Variants in AFF3 observed in about 807,000 individuals in gnomAD.
AFF3 encodes the protein AF4/FMR2 family member 3.
A neutral mutation model predicts 129.7 loss-of-function variants in AFF3; 32 were observed. That is an observed-to-expected ratio of 0.25 (90% CI 0.19 to 0.33). AFF3 has a LOEUF of 0.33. AFF3 is among the 10% of genes least tolerant of loss of function. The pLI is 1.00. For missense variants in AFF3, 1,373 were observed against 1,592.0 expected (o/e 0.86, Z 2.34); for synonymous variants, 644 against 635.4 (o/e 1.01, Z -0.20).
In AFF3 at chr2:99,752,273, G is replaced by C. The variant is rs1218519513; in HGVS notation, c.950C>G (p.Ala317Gly). 1.2e-6 allele frequency: 2 copies of C among 1,614,010 alleles called. No homozygotes were observed. The highest frequency in any genetic ancestry group is 2.2e-5 in the East Asian group (1 of 44,866). The stretch of plus-strand genomic sequence containing the variant: ...TTCCACTTTGCCAGGTGCTTGAATA[G>C]CAGAAAGTGGTGGAAGCCAGGTCAT... ...REMTWLPPLS[A>G]IQAPGKVEPT... The change falls in exon 9 of 25, where the codon GCT becomes GGT. Residue 317 changes from alanine (A) to glycine (G), a missense_variant. By Grantham distance (60) the Ala-to-Gly change is moderately conservative. Transcript: ENST00000672756.
At chr2:99,791,418 T>C (rs1337105923) in intron 8 of AFF3, among the ~76,000 whole-genome samples, 1 of 152,336 alleles carries the variant, frequency 6.6e-6, no homozygotes, top group East Asian at 1.9e-4. Context: ...ACTTGCTTTA[T>C]TGCACTGTTC....
chr2:99,988,954 T>C (rs1680107266), intron 7 of AFF3, among the ~76,000 whole-genome samples: 1 of 152,200 alleles, frequency 6.6e-6, no homozygotes, highest in African/African-American at 2.4e-5. Context: ...AGGTGGTGAT[T>C]AAATGCAGAA....
intron 7 of AFF3, among the ~76,000 whole-genome samples, chr2:99,984,306 A>AT (rs1679664495): frequency 6.6e-6 from 1 of 152,252 alleles, no homozygotes; most frequent in Non-Finnish European, 1.5e-5. Context: ...AAAGGAATCT[A>AT]TGAGCTTCTA....
chr2:99,987,024 G>A (rs1003886239), intron 7 of AFF3, among the ~76,000 whole-genome samples: 11 of 152,236 alleles, frequency 7.2e-5, no homozygotes, highest in East Asian at 1.9e-4. Context: ...CGTTACAAAC[G>A]TAATCACACA....
intron 11 of AFF3, among the ~76,000 whole-genome samples, chr2:99,680,280 CTG>C (rs1674403065): frequency 6.6e-6 from 1 of 152,190 alleles, no homozygotes; most frequent in Admixed American, 6.5e-5. Flanking sequence ...TGCTTTCTCC[CTG>C]AAGATGGGTT....
chr2:100,069,469 A>T (rs573184358), intron 4 of AFF3, among the ~76,000 whole-genome samples: 1 of 152,234 alleles, frequency 6.6e-6, no homozygotes, highest in African/African-American at 2.4e-5. Context: ...AGTCATGGAG[A>T]TATTTAAATA....
At chr2:99,986,315 A>G (rs1255534777) in intron 7 of AFF3, among the ~76,000 whole-genome samples, 2 of 151,538 alleles carry the variant, frequency 1.3e-5, no homozygotes, top group African/African-American at 4.8e-5. Context: ...CACCACTTTT[A>G]GCCACAACCT....
chr2:99,741,623 T>A (rs1238125241), intron 10 of AFF3, among the ~76,000 whole-genome samples: 1 of 152,018 alleles, frequency 6.6e-6, no homozygotes, highest in Non-Finnish European at 1.5e-5. Context: ...AGAATCAATA[T>A]CATGAAAATG....
intron 8 of AFF3, among the ~76,000 whole-genome samples, chr2:99,805,520 C>A (rs1320927135): frequency 6.6e-6 from 1 of 151,994 alleles, no homozygotes; most frequent in African/African-American, 2.4e-5. Context: ...TTAAAAAAAT[C>A]TAATAATAAA....
intron 13 of AFF3, among the ~76,000 whole-genome samples, chr2:99,610,471 T>C (rs1217724626): frequency 6.6e-6 from 1 of 152,204 alleles, no homozygotes; most frequent in Non-Finnish European, 1.5e-5. Flanking sequence ...GTCGACACAA[T>C]GTCATGAGAG....
At chr2:99,760,674 T>C (rs1448604078) in intron 8 of AFF3, among the ~76,000 whole-genome samples, 1 of 152,202 alleles carries the variant, frequency 6.6e-6, no homozygotes, top group African/African-American at 2.4e-5. Flanking sequence ...TCTATTGACC[T>C]ACTTTGGCCA....
chr2:99,979,046 T>C (rs1679152825), intron 7 of AFF3, among the ~76,000 whole-genome samples: 2 of 152,194 alleles, frequency 1.3e-5, no homozygotes, highest in Non-Finnish European at 2.9e-5. Flanking sequence ...CGCAATGATC[T>C]CTTCAATAGA....
At chr2:99,830,480 G>A (rs577455922) in intron 8 of AFF3, among the ~76,000 whole-genome samples, 6 of 152,288 alleles carry the variant, frequency 3.9e-5, no homozygotes, top group South Asian at 2.1e-4. Flanking sequence ...GGCCAGGCCC[G>A]GTGGCTCATG....
At chr2:99,790,509 T>C (rs1200618304) in intron 8 of AFF3, among the ~76,000 whole-genome samples, 1 of 152,222 alleles carries the variant, frequency 6.6e-6, no homozygotes, top group Non-Finnish European at 1.5e-5. Flanking sequence ...GTTTCCTTTA[T>C]GGAGGAGTTT....
chr2:99,954,666 C>A (rs902880072), intron 7 of AFF3, among the ~76,000 whole-genome samples: 2 of 147,544 alleles, frequency 1.4e-5, no homozygotes, highest in African/African-American at 5.0e-5. Context: ...ATCGCAAGAA[C>A]AAAAAACCAA....
chr2:99,591,702 C>T (rs1407520301), intron 15 of AFF3, among the ~76,000 whole-genome samples: 1 of 152,160 alleles, frequency 6.6e-6, no homozygotes, highest in Non-Finnish European at 1.5e-5. Context: ...TCTAACTTTT[C>T]TATTGATAGA....
chr2:100,128,371 G>C (rs764087074), intron 2 of AFF3, among the ~76,000 whole-genome samples: 2 of 152,142 alleles, frequency 1.3e-5, no homozygotes, highest in Non-Finnish European at 2.9e-5. Context: ...AAACAGGTAT[G>C]GATAATACCA....
At chr2:99,891,169 T>C (rs1300744481) in intron 7 of AFF3, among the ~76,000 whole-genome samples, 1 of 151,968 alleles carries the variant, frequency 6.6e-6, no homozygotes, top group East Asian at 1.9e-4. Context: ...GATTGGCTAT[T>C]TGGAATAACT....
At chr2:100,076,849 T>C (rs529647334) in intron 4 of AFF3, among the ~76,000 whole-genome samples, 10 of 152,308 alleles carry the variant, frequency 6.6e-5, no homozygotes, top group African/African-American at 1.9e-4. Context: ...GTTATGTATG[T>C]GCAGTAAGTA....
Sources: allele counts gnomAD v4.1 joint callset (sites outside exome capture counted in the v4.1 genomes callset), GRCh38; gene constraint gnomAD v4.1.1; transcripts MANE v1.5; gene names NCBI Gene and HGNC (gene_info 2026-07-23, HGNC 2026-07-21).